Variants in ZNF124 observed in about 807,000 individuals in gnomAD.
ZNF124 encodes the protein zinc finger protein 124.
ZNF124 carries 25 observed loss-of-function variants against 26.6 expected under a neutral mutation model. The ratio of observed to expected loss-of-function variants is 0.94; its 90% CI spans 0.68 to 1.31. The LOEUF is 1.31. Ranked by LOEUF, ZNF124 falls within the 40% of genes most tolerant of loss-of-function variation. The probability of loss-of-function intolerance (pLI) is 0.00; values close to 1 mark genes in which losing one functional copy is unlikely to be tolerated. For synonymous variants in ZNF124, 129 were observed against 133.3 expected (o/e 0.97, Z 0.22); for missense variants, 444 against 422.2 (o/e 1.05, Z -0.45).
At chr1:247,142,496 G>C (rs1319416422) in intron 3 of ZNF124, among the ~76,000 whole-genome samples, 1 of 152,134 alleles carries the variant, frequency 6.6e-6, no homozygotes, top group Non-Finnish European at 1.5e-5. Flanking sequence ...ATTAAAAAGA[G>C]TAGCAAAATG....
At chr1:247,167,250 CA>C (rs1459727594) in intron 1 of ZNF124, among the ~76,000 whole-genome samples, 1 of 152,160 alleles carries the variant, frequency 6.6e-6, no homozygotes, top group African/African-American at 2.4e-5. Context: ...CTGCTTTTAT[CA>C]CTCCCATTCA....
intron 3 of ZNF124, among the ~76,000 whole-genome samples, chr1:247,146,499 A>T (rs1254256874): frequency 6.6e-6 from 1 of 152,170 alleles, no homozygotes; most frequent in Non-Finnish European, 1.5e-5. Flanking sequence ...ACTGACTTTC[A>T]CATTAGTGTA....
At chr1:247,123,453 C>A (rs376579012) in exon 4 of ZNF124, 60 of 158,814 alleles carry the variant, frequency 3.8e-4, no homozygotes, top group African/African-American at 1.4e-3. Context: ...CCTCGGCCTC[C>A]CAAAGTGCTG....
intron 3 of ZNF124, chr1:247,124,011 G>A: frequency 2.1e-6 from 1 of 482,858 alleles, no homozygotes. Flanking sequence ...TGTATTTTTA[G>A]TAGAGACGGG....
intron 3 of ZNF124, among the ~76,000 whole-genome samples, chr1:247,145,754 G>A (rs1482806051): frequency 6.6e-5 from 10 of 151,734 alleles, no homozygotes; most frequent in Admixed American, 5.3e-4. Flanking sequence ...TCAGCCTCCC[G>A]AGTAGCTGGG....
intron 3 of ZNF124, among the ~76,000 whole-genome samples, chr1:247,132,245 A>G (rs1399998392): frequency 6.6e-6 from 1 of 152,138 alleles, no homozygotes; most frequent in Non-Finnish European, 1.5e-5. Context: ...CAGTGTCAAC[A>G]ACAACAACAA....
At chr1:247,134,862 C>CT (rs1456061022) in intron 3 of ZNF124, among the ~76,000 whole-genome samples, 10 of 152,192 alleles carry the variant, frequency 6.6e-5, no homozygotes, top group African/African-American at 2.4e-4. Context: ...TAAGACACTT[C>CT]TTAGCAAATG....
chr1:247,172,353 T>C (rs537295215), upstream of ZNF124, among the ~76,000 whole-genome samples: 67 of 152,180 alleles, frequency 4.4e-4, no homozygotes, highest in African/African-American at 1.5e-3. Context: ...TTCAGACTTA[T>C]TAACCTTCAT....
intron 3 of ZNF124, among the ~76,000 whole-genome samples, chr1:247,137,691 A>G (rs1672520624): frequency 6.6e-6 from 1 of 152,040 alleles, no homozygotes; most frequent in South Asian, 2.1e-4. Flanking sequence ...AATGGGAGAA[A>G]ATTTCTGGAA....
intron 2 of ZNF124, 76 bp from the exon 3 acceptor site, chr1:247,159,142 T>C (rs1213188194): frequency 7.1e-7 from 1 of 1,407,090 alleles, no homozygotes; most frequent in African/African-American, 1.5e-5. Flanking sequence ...GGTGCTATGT[T>C]GGGGATATGG....
intron 3 of ZNF124, among the ~76,000 whole-genome samples, chr1:247,139,012 G>C (rs6659254): frequency 0.39 from 58,952 of 152,042 alleles, 13,465 homozygotes; most frequent in African/African-American, 0.64. Context: ...GCTCCCTCCC[G>C]ACTTCAAGTT....
Position 247,168,879 on chromosome 1 carries a change from G to A in ZNF124, c.30+2969C>T, listed in dbSNP as rs35914082. On this transcript the variant is annotated intron_variant, in intron 1 of 3. Transcript: ENST00000543802. The surrounding 1 kb of genome is among the most constrained non-coding windows in gnomAD (Gnocchi z 4.0). Reference sequence around the variant, plus strand: ...GGCAAGGGTGGGAGGGGGTGAGACTGCATATTGGGTACAGCGTACACTGAT... The same window carrying A: ...GGCAAGGGTGGGAGGGGGTGAGACTACATATTGGGTACAGCGTACACTGAT... 5.7e-3 allele frequency among the ~76,000 whole-genome samples: 868 copies of A among 152,170 alleles called. 3 individuals carry two copies. The highest frequency in any genetic ancestry group is 7.2e-3 in the Non-Finnish European group (490 of 68,008).
intron 3 of ZNF124, among the ~76,000 whole-genome samples, chr1:247,128,550 G>A (rs1672268352): frequency 6.7e-6 from 1 of 149,270 alleles, no homozygotes; most frequent in Non-Finnish European, 1.5e-5. Flanking sequence ...GAATCCCCTG[G>A]GACCGAGAGG....
chr1:247,143,724 T>C (rs959639195), intron 3 of ZNF124, among the ~76,000 whole-genome samples: 1 of 152,214 alleles, frequency 6.6e-6, no homozygotes, highest in African/African-American at 2.4e-5. Context: ...TTACCTGACT[T>C]ATGTCTTTGG....
At chr1:247,166,197 A>C in intron 1 of ZNF124, among the ~76,000 whole-genome samples, 1 of 152,150 alleles carries the variant, frequency 6.6e-6, no homozygotes, top group Non-Finnish European at 1.5e-5. Flanking sequence ...AATAAAGTGA[A>C]AACAAAACAA....
chr1:247,124,681 C>A lies in ZNF124; in HGVS notation c.219-810G>T, dbSNP rs568672531. Among the ~76,000 whole-genome samples the A allele has an allele frequency of 4.6e-5, 7 of 152,294 alleles. No individual in the cohort carries two copies. In the South Asian group the frequency reaches 1.5e-3, roughly 32 times the overall value. Reference sequence around the variant, plus strand: ...TCTGTCTCTATTTGCCAATTCTGGACATTTCATATAAAAATAAAATCACGC... The same window carrying A: ...TCTGTCTCTATTTGCCAATTCTGGAAATTTCATATAAAAATAAAATCACGC... On this transcript the variant is annotated intron_variant, in intron 3 of 3. Coordinates refer to the ZNF124 transcript ENST00000472531.
At chr1:247,164,701 A>T (rs1558392408) in intron 1 of ZNF124, among the ~76,000 whole-genome samples, 1 of 152,210 alleles carries the variant, frequency 6.6e-6, no homozygotes, top group Non-Finnish European at 1.5e-5. Context: ...TACCCAAAGC[A>T]ATTTAGATTC....
Position 247,155,433 on chromosome 1 carries a change from G to GA in ZNF124, c.*1132dup, listed in dbSNP as rs1185526286. 3.3e-5 allele frequency among the ~76,000 whole-genome samples: 5 copies of GA among 151,864 alleles called. No homozygotes were observed. Among genetic ancestry groups the GA allele is most frequent in the African/African-American group, 1.2e-4 (5 of 41,346 alleles). On this transcript the variant is annotated 3_prime_UTR_variant, in exon 4 of 4. Coordinates refer to ENST00000543802, the MANE Select transcript of ZNF124 (RefSeq NM_001297568.2). ...TTAAAATGGCTATGCAAGAAAAAAG[G>GA]AAAAGAAATACATTTCAATTTACCC...
intron 3 of ZNF124, among the ~76,000 whole-genome samples, chr1:247,143,041 C>T (rs1672667563): frequency 1.3e-5 from 2 of 151,862 alleles, no homozygotes; most frequent in Non-Finnish European, 2.9e-5. Flanking sequence ...TGCATTTTAT[C>T]CATAAAGAAT....
Sources: gnomAD v4.1 joint callset for allele counts (sites outside exome capture counted in the v4.1 genomes callset) on GRCh38, gnomAD v4.1.1 for gene constraint, Gnocchi (gnomAD v3.1) non-coding constraint, MANE v1.5 for transcripts, NCBI Gene and HGNC (gene_info 2026-07-23, HGNC 2026-07-21) for gene names.